KIF15: variants seen among roughly 807,000 people sequenced by gnomAD.
KIF15 encodes kinesin-like protein KIF15.
Under a neutral mutation model 190.6 loss-of-function variants are expected in KIF15, and 140 were observed. The observed-to-expected ratio is 0.73, with a 90% CI of 0.64 to 0.84. The LOEUF is 0.84. KIF15 is among the 40% of genes least tolerant of loss of function. KIF15 has a pLI of 0.00. For synonymous variants in KIF15, 528 were observed against 551.3 expected, an observed-to-expected ratio of 0.96 and a Z score of 0.59; for missense variants, 1,372 against 1,584.4, an observed-to-expected ratio of 0.87 and a Z score of 2.28.
chr3:44,782,754 C>T (rs1315636317), intron 5 of KIF15, among the ~76,000 whole-genome samples: 1 of 152,110 alleles, frequency 6.6e-6, no homozygotes, highest in African/African-American at 2.4e-5. Flanking sequence ...ATGAGACTGT[C>T]CAAGAGAATA....
rs987703510 is a variant in KIF15 at position 44,790,930 on chromosome 3, C to T, written c.640-3287C>T. ...TCTCTTGACCCCGTGATCTGCCTGCCTCGGCCTCCCAAAGTGCTGGGATTA... is the reference window on the plus strand; with the variant it reads ...TCTCTTGACCCCGTGATCTGCCTGCTTCGGCCTCCCAAAGTGCTGGGATTA... On this transcript the variant is annotated intron_variant, in intron 7 of 34. Coordinates refer to ENST00000326047, the MANE Select transcript of KIF15 (RefSeq NM_020242.3). Among the ~76,000 whole-genome samples, 6 of 152,240 alleles carry T rather than the reference C, an allele frequency of 3.9e-5. No individual in the cohort carries two copies. The South Asian group carries it at 1.2e-3, about 32-fold the overall frequency.
intron 6 of KIF15, among the ~76,000 whole-genome samples, chr3:44,866,584 C>T (rs1306278605): frequency 2.0e-5 from 3 of 152,220 alleles, no homozygotes; most frequent in African/African-American, 7.2e-5. Context: ...TTGAGAGGGA[C>T]CTGGTAGCCA....
intron 26 of KIF15, 29 bp downstream of exon 26, chr3:44,831,047 G>C (rs1372822929): frequency 1.2e-6 from 2 of 1,604,716 alleles, no homozygotes. Context: ...CAGCTTCTTT[G>C]TTTGCCTTAT....
chr3:44,808,520 G>C (rs1707623195), intron 16 of KIF15, among the ~76,000 whole-genome samples: 1 of 151,292 alleles, frequency 6.6e-6, no homozygotes. Context: ...CTTTTTCTTA[G>C]CATTTTTGTA....
intron 2 of KIF15, 107 bp from the exon 3 acceptor site, chr3:44,775,147 T>A (rs1705814518): frequency 1.1e-6 from 1 of 872,602 alleles, no homozygotes; most frequent in African/African-American, 1.7e-5. Flanking sequence ...TTGGGCTTTG[T>A]TGGAGAAACT....
intron 30 of KIF15, among the ~76,000 whole-genome samples, chr3:44,846,275 T>C (rs951070032): frequency 6.6e-6 from 1 of 152,220 alleles, no homozygotes; most frequent in Non-Finnish European, 1.5e-5. Flanking sequence ...AGATATGTTT[T>C]AGACAATACT....
intron 6 of KIF15, chr3:44,862,437 C>T (rs1400032506): frequency 6.5e-6 from 1 of 153,002 alleles, no homozygotes; most frequent in African/African-American, 2.4e-5. Context: ...CTAGTTCGCT[C>T]TCGGGGAAGA....
At chr3:44,804,867 G>C (rs1707421279) in intron 14 of KIF15, among the ~76,000 whole-genome samples, 160 bp from the exon 15 acceptor site, 1 of 152,048 alleles carries the variant, frequency 6.6e-6, no homozygotes, top group African/African-American at 2.4e-5. Flanking sequence ...CCAACTATTT[G>C]GGAGGCTAAA....
At chr3:44,811,106 A>G (rs1707764721) in intron 17 of KIF15, 63 bp downstream of exon 17, 1 of 1,254,762 alleles carries the variant, frequency 8.0e-7, no homozygotes, top group South Asian at 1.4e-5. Context: ...TTGCTTTGTT[A>G]TTTTAATTCC....
At chr3:44,779,825 A>G (rs1299768045) in intron 4 of KIF15, among the ~76,000 whole-genome samples, 1 of 150,644 alleles carries the variant, frequency 6.6e-6, no homozygotes, top group Non-Finnish European at 1.5e-5. Flanking sequence ...CAGAGTGAAA[A>G]AAAAAAAAAA....
At chr3:44,836,265 A>G (rs754535748) in intron 26 of KIF15, among the ~76,000 whole-genome samples, 2 of 152,148 alleles carry the variant, frequency 1.3e-5, no homozygotes, top group Non-Finnish European at 2.9e-5. Context: ...CTGAGGCATG[A>G]GAATCGCTTG....
intron 6 of KIF15, chr3:44,864,353 C>CT: frequency 1.2e-6 from 2 of 1,614,012 alleles, no homozygotes; most frequent in Non-Finnish European, 1.7e-6. Flanking sequence ...GGTGAGTAGC[C>CT]TGAGGGTGTG....
chr3:44,781,018 T>A (rs752526967), intron 5 of KIF15, 96 bp downstream of exon 5: 1 of 897,000 alleles, frequency 1.1e-6, no homozygotes, highest in Non-Finnish European at 1.8e-6. Context: ...CTATATATGA[T>A]GTTGATCTCT....
chr3:44,802,194 T>C (rs989532766), intron 13 of KIF15, among the ~76,000 whole-genome samples: 2 of 152,238 alleles, frequency 1.3e-5, no homozygotes, highest in Non-Finnish European at 2.9e-5. Flanking sequence ...CATAGTATGC[T>C]ACTCTAGCAG....
chr3:44,809,326 ATTTG>A (rs1395480143), intron 16 of KIF15, among the ~76,000 whole-genome samples: 1 of 152,100 alleles, frequency 6.6e-6, no homozygotes, highest in Non-Finnish European at 1.5e-5. Flanking sequence ...TGTAATAAGC[ATTTG>A]TTTGTTAGGT....
rs199855294 is a variant in KIF15 at position 44,802,805 on chromosome 3, A to G, written c.1510-9A>G. 475 of 1,545,722 alleles carry G rather than the reference A, an allele frequency of 3.1e-4. 4 individuals carry two copies. In the African/African-American group the frequency reaches 4.4e-3, roughly 14 times the overall value. ...AATATATAATGCGTGTAATTCTTCT[A>G]TGTCACAGATAGAGCACCACCCCAG... On this transcript the variant is annotated splice_polypyrimidine_tract_variant and intron_variant, in intron 13 of 34. Coordinates refer to ENST00000326047, the MANE Select transcript of KIF15 (RefSeq NM_020242.3).
intron 16 of KIF15, 110 bp from the exon 17 acceptor site, chr3:44,810,736 C>T: frequency 5.5e-6 from 5 of 915,440 alleles, no homozygotes; most frequent in African/African-American, 1.7e-5. Context: ...GTACTTTTTC[C>T]TTTCTTTTCA....
chr3:44,807,477 G>A (rs1282257762), intron 16 of KIF15, among the ~76,000 whole-genome samples: 3 of 152,028 alleles, frequency 2.0e-5, no homozygotes, highest in Non-Finnish European at 4.4e-5. Flanking sequence ...CGCCCGTCTC[G>A]CCTCCCAAAG....
At chr3:44,838,206 A>G (rs1698418691) in intron 26 of KIF15, 69 bp from the exon 27 acceptor site, 1 of 1,482,140 alleles carries the variant, frequency 6.7e-7, no homozygotes, top group Non-Finnish European at 9.1e-7. Flanking sequence ...AAAGTTGTAC[A>G]TAGTAATGAT....
Sources: allele counts gnomAD v4.1 joint callset (sites outside exome capture counted in the v4.1 genomes callset), GRCh38; gene constraint gnomAD v4.1.1; transcripts MANE v1.5; gene names NCBI Gene and HGNC (gene_info 2026-07-23, HGNC 2026-07-21).